DLG1: variants seen among roughly 807,000 people sequenced by gnomAD.
DLG1 encodes the protein discs large MAGUK scaffold protein 1, also known as disks large homolog 1.
DLG1 carries 42 observed loss-of-function variants against 123.4 expected under a neutral mutation model. The ratio of observed to expected loss-of-function variants is 0.34; its 90% CI spans 0.27 to 0.44. The LOEUF is 0.44. Among genes scored for constraint, DLG1 ranks in the 20% least tolerant of loss-of-function variants. DLG1 has a pLI of 1.00. For synonymous variants in DLG1, 317 were observed against 356.2 expected, an observed-to-expected ratio of 0.89 and a Z score of 1.24; for missense variants, 942 against 1,082.6, an observed-to-expected ratio of 0.87 and a Z score of 1.82.
intron 12 of DLG1, among the ~76,000 whole-genome samples, chr3:197,117,051 A>G (rs1773681050): frequency 2.0e-5 from 3 of 152,172 alleles, no homozygotes; most frequent in Admixed American, 6.5e-5. Flanking sequence ...GGGAAAATAC[A>G]CTCTGATTTT....
chr3:197,186,825 G>A (rs1486936768), intron 5 of DLG1, among the ~76,000 whole-genome samples: 6 of 152,026 alleles, frequency 3.9e-5, no homozygotes, highest in African/African-American at 1.5e-4. Flanking sequence ...CCATGCTCCT[G>A]CCTCAGCCAC....
chr3:197,044,775 T>C, intron 24 of DLG1, 46 bp from the exon 25 acceptor site: 1 of 1,255,180 alleles, frequency 8.0e-7, no homozygotes, highest in South Asian at 1.5e-5. Context: ...AATTGTCTAT[T>C]TTTGCCATTA....
intron 5 of DLG1, among the ~76,000 whole-genome samples, chr3:197,156,740 T>C (rs1048026477): frequency 3.3e-5 from 5 of 152,152 alleles, no homozygotes; most frequent in Non-Finnish European, 7.4e-5. Flanking sequence ...AGGTTCAATA[T>C]AGGAATGTAA....
At chr3:197,297,362 G>T in intron 1 of DLG1, 127 bp from the exon 2 acceptor site, 1 of 1,471,570 alleles carries the variant, frequency 6.8e-7, no homozygotes, top group Non-Finnish European at 8.9e-7. Context: ...CCAAGTCAAA[G>T]AAAGAGTCTC....
chr3:197,241,449 AAAAC>A (rs1420767915), intron 4 of DLG1, among the ~76,000 whole-genome samples: 1 of 152,192 alleles, frequency 6.6e-6, no homozygotes, highest in African/African-American at 2.4e-5. Context: ...CATGAAAAAT[AAAAC>A]AAACTAAAAA....
At chr3:197,254,974 T>C (rs1756159876) in intron 4 of DLG1, among the ~76,000 whole-genome samples, 1 of 152,096 alleles carries the variant, frequency 6.6e-6, no homozygotes, top group South Asian at 2.1e-4. Flanking sequence ...GAGAATCACT[T>C]GAACCTGGAA....
chr3:197,156,325 A>C (rs1216937254), intron 5 of DLG1, among the ~76,000 whole-genome samples: 1 of 152,226 alleles, frequency 6.6e-6, no homozygotes, highest in Non-Finnish European at 1.5e-5. Context: ...GGAAACAAGA[A>C]AGTTAAATGT....
chr3:197,143,739 G>A (rs1789246194), intron 6 of DLG1, among the ~76,000 whole-genome samples: 1 of 152,000 alleles, frequency 6.6e-6, no homozygotes, highest in Non-Finnish European at 1.5e-5. Flanking sequence ...TTCTGTGAAC[G>A]ACTTGCTCTT....
chr3:197,265,063 T>C (rs1761106284), intron 4 of DLG1, among the ~76,000 whole-genome samples: 1 of 152,236 alleles, frequency 6.6e-6, no homozygotes, highest in African/African-American at 2.4e-5. Context: ...AATTCTACAC[T>C]AACTGCATCT....
At chr3:197,265,185 A>G (rs1049919373) in intron 4 of DLG1, among the ~76,000 whole-genome samples, 4 of 152,252 alleles carry the variant, frequency 2.6e-5, no homozygotes, top group African/African-American at 9.6e-5. Flanking sequence ...ATCACCCTGT[A>G]ATATGAGCTA....
chr3:197,073,721 T>C (rs1003885198), intron 18 of DLG1, among the ~76,000 whole-genome samples: 2 of 152,204 alleles, frequency 1.3e-5, no homozygotes, highest in East Asian at 3.8e-4. Context: ...AAGCGTTCTA[T>C]GGTATCACTT....
At chr3:197,118,534 AAAT>A (rs1367846182) in intron 12 of DLG1, among the ~76,000 whole-genome samples, 10 of 152,232 alleles carry the variant, frequency 6.6e-5, no homozygotes, top group African/African-American at 2.4e-4. Flanking sequence ...GATAAGTAAA[AAAT>A]AATAATAATG....
intron 1 of DLG1, chr3:197,297,682 T>C: frequency 1.0e-6 from 1 of 988,728 alleles, no homozygotes. Context: ...CCTTTCTCCT[T>C]GCTCGCTGCC....
intron 11 of DLG1, among the ~76,000 whole-genome samples, chr3:197,123,826 G>A (rs1777645377): frequency 6.6e-6 from 1 of 152,004 alleles, no homozygotes; most frequent in Non-Finnish European, 1.5e-5. Flanking sequence ...TGACTCAACA[G>A]TAAAATGAAA....
rs186453072 is a variant in DLG1, at chr3:197,106,818, T to C, written c.1444-1813A>G. Reference sequence around the variant, plus strand: ...GTACTGAGAGAGATACTTGTATAAATAGCCTTAGAGTCACTTTTTTTCTTT... The same window carrying C: ...GTACTGAGAGAGATACTTGTATAAACAGCCTTAGAGTCACTTTTTTTCTTT... On this transcript the variant is annotated intron_variant, in intron 13 of 24. Coordinates refer to ENST00000667157, the MANE Select transcript of DLG1 (RefSeq NM_001366207.1). Among the ~76,000 whole-genome samples, 10 of 152,308 alleles carry C rather than the reference T, an allele frequency of 6.6e-5. No individual in the cohort carries two copies. In the East Asian group the frequency reaches 1.9e-3, roughly 29 times the overall value.
At chr3:197,121,823 C>CAAAAAAAA (rs71161995) in intron 11 of DLG1, among the ~76,000 whole-genome samples, 24 of 101,916 alleles carry the variant, frequency 2.4e-4, no homozygotes, top group Admixed American at 4.5e-4. Flanking sequence ...ACAATCACCA[C>CAAAAAAAA]AAAAAAAAAA....
At chr3:197,243,186 G>A (rs1286950400) in intron 4 of DLG1, among the ~76,000 whole-genome samples, 1 of 152,116 alleles carries the variant, frequency 6.6e-6, no homozygotes, top group Non-Finnish European at 1.5e-5. Context: ...GATTCCGACT[G>A]ACTAGATTTA....
At chr3:197,150,694 C>G (rs552960456) in intron 5 of DLG1, among the ~76,000 whole-genome samples, 1 of 152,050 alleles carries the variant, frequency 6.6e-6, no homozygotes, top group African/African-American at 2.4e-5. Context: ...TACATAAAAG[C>G]TGTATAAAGT....
At chr3:197,290,147 A>ACCATCCTT (rs1437388990) in intron 3 of DLG1, among the ~76,000 whole-genome samples, 1 of 152,208 alleles carries the variant, frequency 6.6e-6, no homozygotes, top group East Asian at 1.9e-4. Context: ...GGATGGTAAT[A>ACCATCCTT]AATGATAAGT....
Sources: gnomAD v4.1 joint callset for allele counts (sites outside exome capture counted in the v4.1 genomes callset) on GRCh38, gnomAD v4.1.1 for gene constraint, MANE v1.5 for transcripts, NCBI Gene and HGNC (gene_info 2026-07-23, HGNC 2026-07-21) for gene names.